ATP11B: variants seen among roughly 807,000 people sequenced by gnomAD.
The protein encoded by ATP11B is ATPase phospholipid transporting 11B (putative).
ATP11B carries 81 observed loss-of-function variants against 157.8 expected under a neutral mutation model. That is an observed-to-expected ratio of 0.51 (90% confidence interval 0.43 to 0.62). The LOEUF is 0.62. Ranked by LOEUF, ATP11B falls within the 20% of genes least tolerant of loss-of-function variation. ATP11B has a pLI of 0.00. For synonymous variants in ATP11B, 451 were observed against 469.4 expected (o/e 0.96, Z 0.51); for missense variants, 1,165 against 1,402.2 (o/e 0.83, Z 2.70).
At chr3:182,908,139 A>G (rs1724502238) in intron 28 of ATP11B, among the ~76,000 whole-genome samples, 1 of 151,830 alleles carries the variant, frequency 6.6e-6, no homozygotes, top group Non-Finnish European at 1.5e-5. Context: ...AACTAAGAAT[A>G]AGCCAGATTA....
At chr3:182,915,357 A>G in intron 29 of ATP11B, 1 of 985,374 alleles carries the variant, frequency 1.0e-6, no homozygotes, top group Non-Finnish European at 1.2e-6. Context: ...CATTCCACGT[A>G]GAAGGATGAG....
chr3:182,837,495 A>G (rs1167570313), intron 7 of ATP11B, among the ~76,000 whole-genome samples: 1 of 152,086 alleles, frequency 6.6e-6, no homozygotes, highest in Non-Finnish European at 1.5e-5. Flanking sequence ...GAAGAAAATA[A>G]TGATTTTTTT....
intron 25 of ATP11B, among the ~76,000 whole-genome samples, chr3:182,894,443 C>T (rs1723385947): frequency 6.6e-6 from 1 of 152,134 alleles, no homozygotes; most frequent in Admixed American, 6.5e-5. Context: ...GCCTCGGCCT[C>T]CCAAAGTGCT....
At chr3:182,878,629 G>C (rs1233517962) in intron 19 of ATP11B, among the ~76,000 whole-genome samples, 2 of 152,204 alleles carry the variant, frequency 1.3e-5, no homozygotes, top group East Asian at 3.8e-4. Context: ...CAGTGAGACT[G>C]TACTTGGAGT....
intron 1 of ATP11B, among the ~76,000 whole-genome samples, chr3:182,818,725 T>G (rs1026451822): frequency 1.3e-5 from 2 of 152,202 alleles, no homozygotes; most frequent in Non-Finnish European, 2.9e-5. Flanking sequence ...TCTGTGTATG[T>G]CTGTGCTTAA....
chr3:182,828,366 A>G (rs961273470), intron 3 of ATP11B, among the ~76,000 whole-genome samples, 157 bp downstream of exon 3: 1 of 152,014 alleles, frequency 6.6e-6, no homozygotes, highest in Admixed American at 6.5e-5. Context: ...ATGATCTGTC[A>G]TATCTAGATT....
chr3:182,905,541 G>A (rs1219023937), intron 28 of ATP11B, among the ~76,000 whole-genome samples: 1 of 152,160 alleles, frequency 6.6e-6, no homozygotes, highest in African/African-American at 2.4e-5. Flanking sequence ...AAAGAAATTT[G>A]GTTTTAACTT....
chr3:182,908,196 C>CTTTTTTTTTTT (rs10716562), intron 28 of ATP11B, among the ~76,000 whole-genome samples: 10 of 70,744 alleles, frequency 1.4e-4, no homozygotes, highest in African/African-American at 1.7e-4. Context: ...TTATTATTTT[C>CTTTTTTTTTTT]TTTTTTTTTT....
intron 7 of ATP11B, among the ~76,000 whole-genome samples, chr3:182,840,592 CCAGCAGT>C (rs1249093901): frequency 2.0e-5 from 3 of 152,164 alleles, no homozygotes; most frequent in Non-Finnish European, 4.4e-5. Context: ...ACCTTTTCTA[CCAGCAGT>C]CTTTCTCATC....
At chr3:182,833,949 A>C (rs1014983103) in intron 4 of ATP11B, 6 of 152,234 alleles carry the variant, frequency 3.9e-5, no homozygotes, top group Admixed American at 1.3e-4. Context: ...GTTCTAAATT[A>C]AGGAAGCCAG....
In ATP11B at chr3:182,917,844, G is replaced by C. The variant is rs149888983; in HGVS notation, c.3453-179G>C. On this transcript the variant is annotated intron_variant, in intron 29 of 29. Transcript: ENST00000323116. Reference sequence around the variant, plus strand: ...ATGACTAGAGCATTATTTTTCCCAAGTTTTTATATAATATAAATAGAAAGT... The same window carrying C: ...ATGACTAGAGCATTATTTTTCCCAACTTTTTATATAATATAAATAGAAAGT... 1,393 of 980,860 alleles carry C rather than the reference G, an allele frequency of 1.4e-3. 8 individuals carry two copies. The African/African-American group carries it at 0.021, about 15-fold the overall frequency. 60.8% of individuals were successfully genotyped at this position (980,860 alleles called of 1,614,324 possible).
At chr3:182,826,512 C>A (rs1341703754) in intron 2 of ATP11B, among the ~76,000 whole-genome samples, 1 of 152,130 alleles carries the variant, frequency 6.6e-6, no homozygotes, top group Non-Finnish European at 1.5e-5. Context: ...GGTGACTTGA[C>A]ACACAATTAC....
In ATP11B at chr3:182,835,183, G is replaced by A. The variant is rs568245092; in HGVS notation, c.316-852G>A. ...GAGGAAGATGATTTAGGTACACTCA[G>A]TATAACTTTTAGTGAAAACAATCCG... On this transcript the variant is annotated intron_variant, in intron 4 of 29. Coordinates refer to ENST00000323116, the MANE Select transcript of ATP11B (RefSeq NM_014616.3). 3.7e-4 allele frequency among the ~76,000 whole-genome samples: 57 copies of A among 152,184 alleles called. No individual in the cohort carries two copies. In the South Asian group the frequency reaches 5.0e-3, roughly 13 times the overall value.
intron 29 of ATP11B, chr3:182,917,556 C>T (rs1190467353): frequency 9.1e-6 from 9 of 985,104 alleles, no homozygotes; most frequent in Middle Eastern, 5.2e-4. Context: ...GCTAATTATG[C>T]GGAAGTCTTT....
intron 18 of ATP11B, among the ~76,000 whole-genome samples, chr3:182,873,204 A>T (rs1721790688): frequency 6.6e-6 from 1 of 152,166 alleles, no homozygotes; most frequent in Non-Finnish European, 1.5e-5. Flanking sequence ...CCCAGAACCT[A>T]TCTCAATGTC....
At chr3:182,815,556 A>G (rs1410463780) in intron 1 of ATP11B, among the ~76,000 whole-genome samples, 1 of 152,130 alleles carries the variant, frequency 6.6e-6, no homozygotes. Flanking sequence ...ACTTTCTGTC[A>G]TGAATGTGAT....
intron 1 of ATP11B, among the ~76,000 whole-genome samples, chr3:182,800,320 CA>C (rs915422307): frequency 9.2e-5 from 14 of 151,440 alleles, no homozygotes; most frequent in African/African-American, 3.4e-4. Context: ...CTCCTGGGCT[CA>C]AATGATCCTC....
Position 182,872,432 on chromosome 3 carries a change from T to A in ATP11B, c.1943T>A (p.Phe648Tyr). Reference protein sequence around the residue: ...KEYEEIDKRIFEARTALQQRE... With the variant: ...KEYEEIDKRIYEARTALQQRE... ...TATGAGGAAATAGATAAACGCATAT[T>A]TGAAGCCAGGACTGCCTTGCAGCAG... The change falls in exon 18 of 30, where the codon TTT becomes TAT. Residue 648 changes from phenylalanine to tyrosine, a missense_variant. This residue lies in a region of ATP11B where 737 missense variants were observed against 930.5 expected (regional missense o/e 0.79). Transcript: ENST00000323116. 1 of 1,614,106 alleles carries A rather than the reference T, an allele frequency of 6.2e-7. No homozygotes were observed. Among genetic ancestry groups the A allele is most frequent in the Admixed American group, 1.7e-5 (1 of 60,024 alleles).
At chr3:182,881,971 G>C (rs1722457374) in intron 21 of ATP11B, among the ~76,000 whole-genome samples, 2 of 152,040 alleles carry the variant, frequency 1.3e-5, no homozygotes, top group Admixed American at 1.3e-4. Context: ...ACTTTTATTA[G>C]ATTCAGACTG....
Sources: gnomAD v4.1 joint callset for allele counts (sites outside exome capture counted in the v4.1 genomes callset) on GRCh38, gnomAD v4.1.1 for gene constraint, gnomAD v4.1.1 regional missense constraint, MANE v1.5 for transcripts, NCBI Gene and HGNC (gene_info 2026-07-23, HGNC 2026-07-21) for gene names.